HK3: variants seen among roughly 807,000 people sequenced by gnomAD.
HK3 encodes the protein hexokinase 3.
In HK3, 93 loss-of-function variants were observed where a neutral mutation model predicts 91.0. The observed-to-expected ratio is 1.02, with a 90% CI of 0.86 to 1.21. The LOEUF is 1.21. Ranked by LOEUF, HK3 falls within the 50% of genes most tolerant of loss-of-function variation. The pLI is 0.00. For missense variants in HK3, 1,235 were observed against 1,247.4 expected, an observed-to-expected ratio of 0.99 and a Z score of 0.15; for synonymous variants, 519 against 516.9, an observed-to-expected ratio of 1.00 and a Z score of -0.06.
In HK3 at chr5:176,891,445, G is replaced by T; in HGVS notation, c.202C>A (p.Pro68Thr). Reference sequence around the variant, plus strand: ...GGCAGCATCCGGACCGCAGGGGCAGGGCTGGCCTGTCCCCTCAGCGCCTGC... The same window carrying T: ...GGCAGCATCCGGACCGCAGGGGCAGTGCTGGCCTGTCCCCTCAGCGCCTGC... ...MEQALRGQAS[P>T]APAVRMLPTY... Residue 68 changes from proline to threonine, a missense_variant, in exon 3 of 19, where the codon CCT becomes ACT. This residue lies in a region of HK3 where 717 missense variants were observed against 751.6 expected (regional missense o/e 0.95). Transcript: ENST00000292432. 6.2e-7 allele frequency: 1 copy of T among 1,614,124 alleles called. No homozygotes were observed. Among genetic ancestry groups the T allele is most frequent in the East Asian group, 2.2e-5 (1 of 44,884 alleles).
chr5:176,885,212 C>T (rs769739108), intron 13 of HK3, among the ~76,000 whole-genome samples: 4 of 152,166 alleles, frequency 2.6e-5, no homozygotes, highest in Non-Finnish European at 4.4e-5. Context: ...AGGCCTCTGC[C>T]CTCCTTCCCC....
intron 2 of HK3, among the ~76,000 whole-genome samples, 165 bp downstream of exon 2, chr5:176,895,899 T>C (rs1758899228): frequency 6.6e-6 from 1 of 152,160 alleles, no homozygotes; most frequent in Admixed American, 6.5e-5. Context: ...AGCCCAACCT[T>C]GCAGTTGTTT....
In HK3 at chr5:176,881,543, C is replaced by T. The variant is rs759745772; in HGVS notation, c.2394-8G>A. ...CGCAGGGCCAGGCTGTCACTGGGGG[C>T]CAGGAAGGAAGAGAGCACAGGGAGG... is the stretch of plus-strand genomic sequence containing the variant. On this transcript the variant is annotated splice_region_variant and splice_polypyrimidine_tract_variant and intron_variant, in intron 17 of 18. Coordinates refer to ENST00000292432, the MANE Select transcript of HK3 (RefSeq NM_002115.3). The T allele has an allele frequency of 1.3e-6, 2 of 1,598,834 alleles. No individual in the cohort carries two copies. Among genetic ancestry groups the T allele is most frequent in the African/African-American group, 2.7e-5 (2 of 74,810 alleles).
At chr5:176,886,062 C>T (rs1166685803) in intron 13 of HK3, among the ~76,000 whole-genome samples, 2 of 152,076 alleles carry the variant, frequency 1.3e-5, no homozygotes, top group African/African-American at 4.8e-5. Context: ...CATGGTGAAA[C>T]CCCATCTCTA....
chr5:176,881,577 G>A (rs1423149875), intron 17 of HK3, 42 bp from the exon 18 acceptor site: 2 of 1,586,308 alleles, frequency 1.3e-6, no homozygotes, highest in African/African-American at 1.3e-5. Flanking sequence ...GGTGGGTCGT[G>A]ACTTCTCCCA....
At chr5:176,898,035 C>T (rs769824398) in intron 1 of HK3, among the ~76,000 whole-genome samples, 14 of 152,206 alleles carry the variant, frequency 9.2e-5, no homozygotes, top group Admixed American at 5.2e-4. Context: ...GCTGCCTGCG[C>T]GCATCCCTCA....
At chr5:176,889,801 C>T in intron 6 of HK3, 57 bp from the exon 7 acceptor site, 3 of 1,473,802 alleles carry the variant, frequency 2.0e-6, no homozygotes, top group Non-Finnish European at 2.8e-6. Context: ...AGGAGGGAAT[C>T]CAGGGGATGG....
intron 15 of HK3, 27 bp downstream of exon 15, chr5:176,883,743 G>C: frequency 6.4e-7 from 1 of 1,562,586 alleles, no homozygotes; most frequent in Non-Finnish European, 8.8e-7. Context: ...AAGCAGTAGG[G>C]GCATGAAAGG....
intron 8 of HK3, among the ~76,000 whole-genome samples, 177 bp from the exon 9 acceptor site, chr5:176,889,041 C>G (rs116035964): frequency 0.015 from 2,249 of 152,312 alleles, 21 homozygotes; most frequent in South Asian, 0.035. Flanking sequence ...CCCCACTGCC[C>G]CCTCTGACAT....
chr5:176,898,739 G>C (rs565272165), intron 1 of HK3, among the ~76,000 whole-genome samples: 1 of 152,250 alleles, frequency 6.6e-6, no homozygotes, highest in African/African-American at 2.4e-5. Context: ...TTTGCCTAAG[G>C]GCCCCGTGGC....
chr5:176,889,336 TAGAC>T (rs1158655233), intron 8 of HK3, 41 bp downstream of exon 8: 1 of 1,592,250 alleles, frequency 6.3e-7, no homozygotes, highest in African/African-American at 1.3e-5. Flanking sequence ...AGAGCAGTCA[TAGAC>T]AGGGCCTGGA....
intron 13 of HK3, among the ~76,000 whole-genome samples, chr5:176,885,822 C>T (rs1286299729): frequency 6.6e-6 from 1 of 152,004 alleles, no homozygotes; most frequent in Non-Finnish European, 1.5e-5. Flanking sequence ...CTGCTTCTCA[C>T]ATCTTACAAG....
rs1035440256 is a variant in HK3, at chr5:176,883,875, C to T, written c.1954-6G>A. 6.2e-7 allele frequency: 1 copy of T among 1,613,904 alleles called. No homozygotes were observed. The highest frequency in any genetic ancestry group is 8.5e-7 in the Non-Finnish European group (1 of 1,179,854). On this transcript the variant is annotated splice_region_variant and splice_polypyrimidine_tract_variant and intron_variant, in intron 14 of 18. Coordinates refer to ENST00000292432, the MANE Select transcript of HK3 (RefSeq NM_002115.3). The stretch of plus-strand genomic sequence containing the variant: ...ACCACATTCAGCTCCACTGCCTGCA[C>T]ACAAAAGGATGCTGCTAGTTGCTGG...
In HK3 at chr5:176,889,468, G is replaced by T. The variant is rs370508850; in HGVS notation, c.827C>A (p.Ser276Tyr). 2.5e-6 allele frequency: 4 copies of T among 1,614,196 alleles called. No homozygotes were observed. In the South Asian group the frequency reaches 4.4e-5, roughly 18 times the overall value. The change falls in exon 8 of 19, where the codon TCC becomes TAC. Residue 276 changes from serine (S) to tyrosine (Y), a missense_variant. Physicochemically the swap from Ser to Tyr is moderately radical, Grantham distance 144 (BLOSUM62 -2). Around this residue, in one of 3 missense-constraint regions of HK3, gnomAD observed 717 missense variants for 751.6 expected, o/e 0.95. Transcript: ENST00000292432. ...TCCCAGCGCCCCATCATCGCTGAAGGAGCCCCACTCGACGCTGACGCAGAC... is the reference window on the plus strand; with the variant it reads ...TCCCAGCGCCCCATCATCGCTGAAGTAGCCCCACTCGACGCTGACGCAGAC... ...GRVCVSVEWG[S>Y]FSDDGALGPV...
Position 176,881,391 on chromosome 5 carries a change from G to C in HK3, c.2538C>G (p.Ala846=), listed in dbSNP as rs138575844. 11 of 1,613,594 alleles carry C rather than the reference G, an allele frequency of 6.8e-6. No individual in the cohort carries two copies. In the East Asian group the frequency reaches 2.5e-4, roughly 36 times the overall value. ...AAQLCGAGVA[A]VVEKIRENRG... ...GGTTCTCCCGGATCTTCTCCACCAC[G>C]GCAGCTACACCCGCCCCACAGAGCT... The change falls in exon 18 of 19, where the codon GCC becomes GCG. Residue 846 remains alanine, a synonymous_variant. Coordinates refer to ENST00000292432, the MANE Select transcript of HK3 (RefSeq NM_002115.3).
In HK3 at chr5:176,887,145, G is replaced by A. The variant is rs768932211; in HGVS notation, c.1738-24C>T. On this transcript the variant is annotated intron_variant, in intron 12 of 18. Transcript: ENST00000292432. This position sits in a 1 kb window ranked among gnomAD's most constrained non-coding sequence, Gnocchi z 4.9. ...AGCTGTGGGGCAGGACAGGTCAGGC[G>A]TAGGCACTGCTCAGCCCTTCCCCAC... The A allele has an allele frequency of 1.9e-5, 31 of 1,614,060 alleles. No homozygotes were observed. The highest frequency in any genetic ancestry group is 1.2e-4 in the South Asian group (11 of 91,088).
Position 176,881,304 on chromosome 5 carries a change from C to T in HK3, c.2625G>A (p.Pro875=), listed in dbSNP as rs755376392. ...GVDGTLYKLH[P]RFSSLVAATV... Reference sequence around the variant, plus strand: ...CCAGCCCGCACACCCAGACTCACCGCGGGTGCAGCTTGTAGAGCGTTCCAT... The same window carrying T: ...CCAGCCCGCACACCCAGACTCACCGTGGGTGCAGCTTGTAGAGCGTTCCAT... The change falls in exon 18 of 19, where the codon CCG becomes CCA. Residue 875 remains proline, a splice_region_variant and synonymous_variant. Transcript: ENST00000292432. The T allele has an allele frequency of 2.2e-5, 35 of 1,613,690 alleles. No homozygotes were observed. Among genetic ancestry groups the T allele is most frequent in the Middle Eastern group, 1.7e-4 (1 of 6,058 alleles).
rs750058215 is a variant in HK3, at chr5:176,889,544, A to G, written c.751T>C (p.Tyr251His). 1 of 1,614,160 alleles carries G rather than the reference A, an allele frequency of 6.2e-7. No homozygotes were observed. The highest frequency in any genetic ancestry group is 1.1e-5 in the South Asian group (1 of 91,068). Residue 251 changes from tyrosine (Y) to histidine (H), a missense_variant, in exon 8 of 19, where the codon TAC becomes CAC. Around this residue, in one of 3 missense-constraint regions of HK3, gnomAD observed 717 missense variants for 751.6 expected, o/e 0.95. Coordinates refer to ENST00000292432, the MANE Select transcript of HK3 (RefSeq NM_002115.3). ...GCCACATGCCGTGCCTCCTCCATGT[A>G]ACACGCGTTGGTGCCCGTGTCTGGC... ...LVVDTGTNAC[Y>H]MEEARHVAVL...
rs73341833 is a variant in HK3, at chr5:176,891,403, T to A, written c.244A>T (p.Thr82Ser). 3.8e-5 allele frequency: 62 copies of A among 1,613,142 alleles called. No individual in the cohort carries two copies. In the African/African-American group the frequency reaches 7.5e-4, roughly 19 times the overall value. ...TGATACCCACCAGTGCCATGTGGGG[T>A]GGACCCCACGTATGTAGGCAGCATC... Reference protein sequence around the residue: ...VRMLPTYVGSTPHGTEQGDFV... With the variant: ...VRMLPTYVGSSPHGTEQGDFV... Residue 82 changes from threonine (T) to serine (S), a missense_variant, in exon 3 of 19, where the codon ACC (threonine) becomes TCC (serine). By Grantham distance (58) the Thr-to-Ser change is moderately conservative. Transcript: ENST00000292432.
Sources: allele counts gnomAD v4.1 joint callset (sites outside exome capture counted in the v4.1 genomes callset), GRCh38; gene constraint gnomAD v4.1.1; regional missense constraint gnomAD v4.1.1; non-coding constraint Gnocchi (gnomAD v3.1); transcripts MANE v1.5; gene names NCBI Gene and HGNC (gene_info 2026-07-23, HGNC 2026-07-21).